Variants in PRKAG2 observed in about 807,000 individuals in gnomAD.
PRKAG2 encodes protein kinase AMP-activated non-catalytic subunit gamma 2.
A neutral mutation model predicts 69.6 loss-of-function variants in PRKAG2; 26 were observed. That is an observed-to-expected ratio of 0.37 (90% CI 0.27 to 0.52). PRKAG2 has a LOEUF of 0.52. Among genes scored for constraint, PRKAG2 ranks in the 20% least tolerant of loss-of-function variants. The pLI is 0.90. For synonymous variants in PRKAG2, 293 were observed against 285.0 expected (o/e 1.03, Z -0.28); for missense variants, 557 against 740.0 (o/e 0.75, Z 2.87).
intron 4 of PRKAG2, among the ~76,000 whole-genome samples, chr7:151,661,617 C>G (rs965219461): frequency 6.6e-6 from 1 of 152,176 alleles, no homozygotes; most frequent in Non-Finnish European, 1.5e-5. Context: ...CGATGAGCAG[C>G]TGACATTCTT....
chr7:151,809,986 A>AC (rs1275519332), intron 1 of PRKAG2: 1 of 152,250 alleles, frequency 6.6e-6, no homozygotes, highest in African/African-American at 2.4e-5. Context: ...AAAGAGCCCC[A>AC]CACCCACCAT....
chr7:151,748,477 G>A (rs1411869254), intron 3 of PRKAG2, among the ~76,000 whole-genome samples: 2 of 152,070 alleles, frequency 1.3e-5, no homozygotes, highest in African/African-American at 2.4e-5. Context: ...TTAATAGGAC[G>A]TCAACATACA....
chr7:151,686,003 T>G (rs73481983), intron 3 of PRKAG2, among the ~76,000 whole-genome samples: 3,862 of 152,262 alleles, frequency 0.025, 164 homozygotes, highest in African/African-American at 0.088. Context: ...TGAGACGGTT[T>G]TGCTCTAAAC....
intron 5 of PRKAG2, among the ~76,000 whole-genome samples, chr7:151,600,056 A>G (rs959984738): frequency 6.6e-6 from 1 of 152,162 alleles, no homozygotes; most frequent in Admixed American, 6.5e-5. Context: ...GCTCAAGGAT[A>G]TGACTGGTGA....
chr7:151,634,569 C>T (rs902247296), intron 4 of PRKAG2, among the ~76,000 whole-genome samples: 1 of 152,148 alleles, frequency 6.6e-6, no homozygotes, highest in African/African-American at 2.4e-5. Context: ...AAATTACTAG[C>T]ACACTGCCTA....
chr7:151,562,823 C>T (rs1454366238), intron 14 of PRKAG2, among the ~76,000 whole-genome samples: 26 of 91,946 alleles, frequency 2.8e-4, no homozygotes, highest in East Asian at 7.4e-4. Flanking sequence ...AAAAATTAGG[C>T]GGGCGCCTGT....
chr7:151,651,476 G>A (rs948854530), intron 4 of PRKAG2, among the ~76,000 whole-genome samples: 2 of 152,034 alleles, frequency 1.3e-5, no homozygotes, highest in Non-Finnish European at 2.9e-5. Flanking sequence ...GCTTGGTGGC[G>A]AGTGCCTGTA....
intron 4 of PRKAG2, among the ~76,000 whole-genome samples, chr7:151,659,004 G>C (rs1319508645): frequency 2.9e-4 from 44 of 152,200 alleles, no homozygotes; most frequent in Admixed American, 2.9e-3. Flanking sequence ...TGAGCTGCAG[G>C]AAGATTTTGC....
At chr7:151,697,871 T>C (rs1836963409) in intron 3 of PRKAG2, among the ~76,000 whole-genome samples, 1 of 152,056 alleles carries the variant, frequency 6.6e-6, no homozygotes, top group Non-Finnish European at 1.5e-5. Context: ...GTGTAACGGG[T>C]CAAGGCGAAT....
Position 151,807,014 on chromosome 7 carries a change from C to T in PRKAG2, c.115-20473G>A, listed in dbSNP as rs62478243. On this transcript the variant is annotated intron_variant, in intron 1 of 15. Coordinates refer to ENST00000287878, the MANE Select transcript of PRKAG2 (RefSeq NM_016203.4). The surrounding 1 kb of genome is among the most constrained non-coding windows in gnomAD (Gnocchi z 4.4). Reference sequence around the variant, plus strand: ...TTGTGTCCACCTGGGTTCAGAATTGCGCTGGACATGGGATACACAAAGGTA... The same window carrying T: ...TTGTGTCCACCTGGGTTCAGAATTGTGCTGGACATGGGATACACAAAGGTA... 0.18 allele frequency: 82,782 copies of T among 454,858 alleles called. 8,274 individuals are homozygous for T. The highest frequency in any genetic ancestry group is 0.19 in the Non-Finnish European group (42,038 of 226,122). 28.2% of individuals were successfully genotyped at this position (454,858 alleles called of 1,614,324 possible).
At position 151,827,757 on chromosome 7, in the gene PRKAG2, A is replaced by AAAAC. The variant is rs2078935872; in HGVS notation, c.115-41217_115-41216insGTTT. On this transcript the variant is annotated intron_variant, in intron 1 of 15. Coordinates refer to ENST00000287878, the MANE Select transcript of PRKAG2 (RefSeq NM_016203.4). ...AGGTGGCCTTAGGTAAAAAAAAAAAAAAAAAAAAAAAAAAAAACTGCCTTG... is the reference window on the plus strand; with the variant it reads ...AGGTGGCCTTAGGTAAAAAAAAAAAAAAACAAAAAAAAAAAAAAAAACTGCCTTG... 2.0e-5 allele frequency among the ~76,000 whole-genome samples: 3 copies of AAAAC among 147,916 alleles called. No individual in the cohort carries two copies. In the South Asian group the frequency reaches 6.5e-4, roughly 32 times the overall value.
At chr7:151,854,394 G>A (rs1019982222) in intron 1 of PRKAG2, among the ~76,000 whole-genome samples, 3 of 152,236 alleles carry the variant, frequency 2.0e-5, no homozygotes, top group Non-Finnish European at 2.9e-5. Flanking sequence ...TGTGGGGCCT[G>A]AGGGTGGACA....
chr7:151,714,111 G>A (rs1216341520), intron 3 of PRKAG2, among the ~76,000 whole-genome samples: 1 of 152,064 alleles, frequency 6.6e-6, no homozygotes, highest in Non-Finnish European at 1.5e-5. Flanking sequence ...TACTAGCTAG[G>A]TAGCTGAACA....
intron 4 of PRKAG2, among the ~76,000 whole-genome samples, chr7:151,651,568 C>T (rs1182659551): frequency 6.6e-6 from 1 of 152,156 alleles, no homozygotes; most frequent in Non-Finnish European, 1.5e-5. Flanking sequence ...GATTGCGCCA[C>T]TGCACTCCAG....
Position 151,583,466 on chromosome 7 carries a change from G to A in PRKAG2, c.865-7014C>T, listed in dbSNP as rs754364279. 5.3e-5 allele frequency among the ~76,000 whole-genome samples: 8 copies of A among 152,162 alleles called. No homozygotes were observed. The highest frequency in any genetic ancestry group is 1.0e-4 in the Non-Finnish European group (7 of 68,022). ...TGGGTGAGCTCGGGAGGGGCCTGAC[G>A]CTTCTGTGGTTTTGCCGACCTTCTT... On this transcript the variant is annotated intron_variant, in intron 6 of 15. Transcript: ENST00000287878. The surrounding 1 kb of genome is among the most constrained non-coding windows in gnomAD (Gnocchi z 4.1).
At chr7:151,823,475 G>A (rs1335191413) in intron 1 of PRKAG2, among the ~76,000 whole-genome samples, 5 of 150,078 alleles carry the variant, frequency 3.3e-5, no homozygotes, top group Non-Finnish European at 7.4e-5. Context: ...GGTCACATGG[G>A]CCAGGCACCG....
chr7:151,683,639 A>T (rs747771771), intron 3 of PRKAG2, among the ~76,000 whole-genome samples: 3 of 152,016 alleles, frequency 2.0e-5, no homozygotes, highest in Non-Finnish European at 4.4e-5. Context: ...ACCTCCTACC[A>T]CTCATCAGAG....
At chr7:151,778,729 G>C (rs1418274931) in intron 3 of PRKAG2, among the ~76,000 whole-genome samples, 1 of 152,176 alleles carries the variant, frequency 6.6e-6, no homozygotes, top group Admixed American at 6.5e-5. Flanking sequence ...CTGGGAGCTT[G>C]ACATTTTTTT....
intron 14 of PRKAG2, among the ~76,000 whole-genome samples, chr7:151,563,227 A>G (rs554252695): frequency 1.3e-5 from 2 of 152,132 alleles, no homozygotes; most frequent in Non-Finnish European, 2.9e-5. Flanking sequence ...AAAAACTGTT[A>G]TTTTTTTGGT....
Sources: gnomAD v4.1 joint callset for allele counts (sites outside exome capture counted in the v4.1 genomes callset) on GRCh38, gnomAD v4.1.1 for gene constraint, Gnocchi (gnomAD v3.1) non-coding constraint, MANE v1.5 for transcripts, NCBI Gene and HGNC (gene_info 2026-07-23, HGNC 2026-07-21) for gene names.